Variants in CDH12 observed in about 807,000 individuals in gnomAD.
CDH12 encodes the protein cadherin 12, also known as cadherin-12.
CDH12 carries 41 observed loss-of-function variants against 74.1 expected under a neutral mutation model. That is an observed-to-expected ratio of 0.55 (90% CI 0.43 to 0.72). The LOEUF (loss-of-function observed/expected upper bound fraction) is 0.72. Ranked by LOEUF, CDH12 falls within the 30% of genes least tolerant of loss-of-function variation. The probability of loss-of-function intolerance (pLI) is 0.00; values close to 1 mark genes in which losing one functional copy is unlikely to be tolerated. For synonymous variants in CDH12, 399 were observed against 355.0 expected (o/e 1.12, Z -1.39); for missense variants, 945 against 977.2 (o/e 0.97, Z 0.44).
intron 1 of CDH12, among the ~76,000 whole-genome samples, chr5:22,794,964 T>TAA (rs1748112761): frequency 6.6e-6 from 1 of 152,184 alleles, no homozygotes; most frequent in South Asian, 2.1e-4. Flanking sequence ...TATATATATA[T>TAA]ATGTCAATAT....
At chr5:22,386,172 G>A (rs551060568) in intron 3 of CDH12, among the ~76,000 whole-genome samples, 1 of 152,048 alleles carries the variant, frequency 6.6e-6, no homozygotes, top group African/African-American at 2.4e-5. Context: ...GATTACAGGC[G>A]TGAGCCACTG....
chr5:22,508,804 T>A (rs941790349), intron 1 of CDH12, among the ~76,000 whole-genome samples: 1 of 152,140 alleles, frequency 6.6e-6, no homozygotes, highest in Admixed American at 6.5e-5. Flanking sequence ...AACCAATGTA[T>A]GTCTTACATG....
At chr5:21,808,170 G>A (rs1747540624) in intron 9 of CDH12, among the ~76,000 whole-genome samples, 1 of 151,960 alleles carries the variant, frequency 6.6e-6, no homozygotes, top group Admixed American at 6.6e-5. Context: ...CAGCCACGAG[G>A]AACTGGCTCT....
intron 1 of CDH12, among the ~76,000 whole-genome samples, chr5:22,658,704 C>T (rs966417519): frequency 7.2e-5 from 11 of 152,060 alleles, no homozygotes; most frequent in Non-Finnish European, 1.5e-4. Flanking sequence ...TTCAAGAGGT[C>T]GAGTGACTCT....
At position 22,155,664 on chromosome 5, in the gene CDH12, TAA is replaced by T. The variant is rs765771837; in HGVS notation, c.-187+56832_-187+56833del. 2.1e-4 allele frequency among the ~76,000 whole-genome samples: 32 copies of T among 152,218 alleles called. No homozygotes were observed. In the East Asian group the frequency reaches 2.5e-3, roughly 12 times the overall value. On this transcript the variant is annotated intron_variant, in intron 4 of 14. Transcript: ENST00000382254. ...AAAGTACTTAAAAATATTTTATAAATAAAGTTATTTTTATACAGAACAGAAAT... is the reference window on the plus strand; with the variant it reads ...AAAGTACTTAAAAATATTTTATAAATAGTTATTTTTATACAGAACAGAAAT...
chr5:22,294,251 T>C (rs1169142418), intron 3 of CDH12, among the ~76,000 whole-genome samples: 5 of 152,162 alleles, frequency 3.3e-5, no homozygotes, highest in Non-Finnish European at 7.3e-5. Flanking sequence ...GAGTGTTCCC[T>C]GTGAGCAAGG....
chr5:21,899,218 T>A (rs1753269859), intron 6 of CDH12, among the ~76,000 whole-genome samples: 1 of 152,244 alleles, frequency 6.6e-6, no homozygotes, highest in South Asian at 2.1e-4. Flanking sequence ...GAACAGTTTC[T>A]GCTTAAAGTA....
At chr5:22,512,663 G>A (rs1274079424) in intron 1 of CDH12, among the ~76,000 whole-genome samples, 1 of 152,144 alleles carries the variant, frequency 6.6e-6, no homozygotes, top group Non-Finnish European at 1.5e-5. Context: ...ATGCCCCTAC[G>A]ATAATGAAAA....
At chr5:22,071,222 G>A (rs759040480) in intron 5 of CDH12, among the ~76,000 whole-genome samples, 72 of 151,768 alleles carry the variant, frequency 4.7e-4, no homozygotes, top group Non-Finnish European at 9.9e-4. Context: ...TTATATACAT[G>A]TCTTGTTTGT....
intron 1 of CDH12, among the ~76,000 whole-genome samples, chr5:22,531,776 A>AACACACAGTGTGTAAAAATTTTT (rs2126704331): frequency 6.6e-6 from 1 of 152,300 alleles, no homozygotes; most frequent in East Asian, 1.9e-4. Flanking sequence ...AATGTAAGGA[A>AACACACAGTGTGTAAAAATTTTT]ACACACTGGT....
chr5:22,150,685 T>G (rs1747515619), intron 4 of CDH12, among the ~76,000 whole-genome samples: 1 of 152,174 alleles, frequency 6.6e-6, no homozygotes, highest in African/African-American at 2.4e-5. Context: ...TGGAATCAGA[T>G]GTTTTTGTTA....
At chr5:22,539,715 G>A (rs186738329) in intron 1 of CDH12, among the ~76,000 whole-genome samples, 1 of 152,310 alleles carries the variant, frequency 6.6e-6, no homozygotes, top group African/African-American at 2.4e-5. Flanking sequence ...CCTTGAGAGT[G>A]TATATAAAAG....
At chr5:22,620,164 C>G (rs1467994030) in intron 1 of CDH12, among the ~76,000 whole-genome samples, 2 of 151,976 alleles carry the variant, frequency 1.3e-5, no homozygotes, top group African/African-American at 4.8e-5. Flanking sequence ...GAATGCAAGT[C>G]ACAAATAAGA....
At chr5:22,226,665 A>C (rs1335133371) in intron 3 of CDH12, among the ~76,000 whole-genome samples, 1 of 152,160 alleles carries the variant, frequency 6.6e-6, no homozygotes, top group African/African-American at 2.4e-5. Flanking sequence ...ATTATGCCAC[A>C]GAGTTTGTAG....
intron 1 of CDH12, among the ~76,000 whole-genome samples, chr5:22,793,792 G>GA (rs1748045493): frequency 6.7e-6 from 1 of 149,996 alleles, no homozygotes; most frequent in Non-Finnish European, 1.5e-5. Context: ...ACCACCATCA[G>GA]AAAAAAAGTG....
chr5:22,480,118 C>G (rs1326666867), intron 2 of CDH12, among the ~76,000 whole-genome samples: 1 of 152,164 alleles, frequency 6.6e-6, no homozygotes, highest in Non-Finnish European at 1.5e-5. Context: ...TTTGTTCACA[C>G]AGATCATGGC....
chr5:22,200,841 T>A (rs1750889100), intron 4 of CDH12, among the ~76,000 whole-genome samples: 1 of 152,208 alleles, frequency 6.6e-6, no homozygotes, highest in African/African-American at 2.4e-5. Flanking sequence ...TCACTGGGAA[T>A]ATAGTAGTGA....
intron 1 of CDH12, among the ~76,000 whole-genome samples, chr5:22,617,240 GA>G (rs2126834683): frequency 6.6e-6 from 1 of 152,012 alleles, no homozygotes; most frequent in South Asian, 2.1e-4. Flanking sequence ...CAGTAACATA[GA>G]AAAAAGGTGC....
chr5:22,316,428 C>G (rs1206919688), intron 3 of CDH12, among the ~76,000 whole-genome samples: 1 of 152,118 alleles, frequency 6.6e-6, no homozygotes, highest in African/African-American at 2.4e-5. Context: ...CACACAATCA[C>G]TCAGTTCCAT....
Sources: allele counts gnomAD v4.1 joint callset (sites outside exome capture counted in the v4.1 genomes callset), GRCh38; gene constraint gnomAD v4.1.1; transcripts MANE v1.5; gene names NCBI Gene and HGNC (gene_info 2026-07-23, HGNC 2026-07-21).